Variants in ADCY9 observed in about 807,000 individuals in gnomAD.
The protein encoded by ADCY9 is adenylate cyclase type 9.
A neutral mutation model predicts 101.5 loss-of-function variants in ADCY9; 50 were observed. The observed-to-expected ratio is 0.49, with a 90% CI of 0.39 to 0.62. ADCY9 has a LOEUF of 0.62. ADCY9 is among the 20% of genes least tolerant of loss of function. The pLI is 0.00. For missense variants in ADCY9, 1,662 were observed against 1,800.4 expected (o/e 0.92, Z 1.39); for synonymous variants, 905 against 769.3 (o/e 1.18, Z -2.92).
chr16:3,978,704 G>A (rs1424535124), intron 8 of ADCY9, among the ~76,000 whole-genome samples: 3 of 152,028 alleles, frequency 2.0e-5, no homozygotes, highest in Non-Finnish European at 4.4e-5. Flanking sequence ...CCTCTTCAAG[G>A]GTTTATTTTA....
At chr16:4,039,273 C>T (rs377609531) in intron 2 of ADCY9, among the ~76,000 whole-genome samples, 13 of 152,284 alleles carry the variant, frequency 8.5e-5, no homozygotes, top group East Asian at 3.9e-4. Context: ...AACACCCACC[C>T]CTTTCTGTGT....
chr16:4,017,167 TATA>T (rs2056444257), intron 2 of ADCY9, among the ~76,000 whole-genome samples: 1 of 147,636 alleles, frequency 6.8e-6, no homozygotes, highest in African/African-American at 2.4e-5. Flanking sequence ...CTGTCTCAAA[TATA>T]ATAATAATAT....
At chr16:4,060,111 G>A (rs2141159562) in intron 2 of ADCY9, among the ~76,000 whole-genome samples, 1 of 152,248 alleles carries the variant, frequency 6.6e-6, no homozygotes. Flanking sequence ...CAAAGGCACT[G>A]ACATAAACCA....
chr16:3,970,470 G>A (rs1379205170), intron 10 of ADCY9, among the ~76,000 whole-genome samples: 1 of 152,122 alleles, frequency 6.6e-6, no homozygotes, highest in Non-Finnish European at 1.5e-5. Flanking sequence ...GGGACTACAG[G>A]TGTGCGCCAC....
At chr16:4,057,153 G>A (rs1455503109) in intron 2 of ADCY9, among the ~76,000 whole-genome samples, 2 of 149,720 alleles carry the variant, frequency 1.3e-5, no homozygotes, top group African/African-American at 2.5e-5. Flanking sequence ...TTAGGTTTTT[G>A]TTTAAAGAGA....
At chr16:4,066,029 G>A (rs1363968753) in intron 2 of ADCY9, among the ~76,000 whole-genome samples, 8 of 152,220 alleles carry the variant, frequency 5.3e-5, no homozygotes. Flanking sequence ...TAGCAAGCGG[G>A]ATGTTGTTTT....
At chr16:4,024,113 C>T (rs2056497303) in intron 2 of ADCY9, among the ~76,000 whole-genome samples, 1 of 151,908 alleles carries the variant, frequency 6.6e-6, no homozygotes, top group Non-Finnish European at 1.5e-5. Flanking sequence ...ACCTCCGCCT[C>T]CTGGGTTCGA....
At chr16:3,961,199 G>C (rs1000827072), downstream of ADCY9, among the ~76,000 whole-genome samples, 2 of 152,154 alleles carry the variant, frequency 1.3e-5, no homozygotes, top group Non-Finnish European at 2.9e-5. Flanking sequence ...TGTAATCCCA[G>C]CACTTTGGGA....
rs573125253 is a variant in ADCY9, at chr16:4,049,754, C to A, written c.1694-42196G>T. ...ATCTTTCAGATTAACCCAGAAATAT[C>A]GATAAGGGAGGCCTTTTTCTTAGCT... On this transcript the variant is annotated intron_variant, in intron 2 of 10. Coordinates refer to ENST00000294016, the MANE Select transcript of ADCY9 (RefSeq NM_001116.4). Among the ~76,000 whole-genome samples the A allele has an allele frequency of 2.0e-5, 3 of 152,236 alleles. No individual in the cohort carries two copies. The South Asian group carries it at 6.2e-4, about 32-fold the overall frequency.
chr16:4,053,870 T>C (rs2601828), intron 2 of ADCY9, among the ~76,000 whole-genome samples: 116,543 of 151,960 alleles, frequency 0.77, 45,029 homozygotes, highest in African/African-American at 0.82. Context: ...AAGGGTCTTC[T>C]GGATAGGGCA....
chr16:4,045,642 A>T (rs913048746), intron 2 of ADCY9, among the ~76,000 whole-genome samples: 2 of 144,582 alleles, frequency 1.4e-5, no homozygotes, highest in Non-Finnish European at 3.0e-5. Context: ...TTTGCCTCCC[A>T]ATTTGCTGCA....
At chr16:4,048,984 G>C (rs13380478) in intron 2 of ADCY9, among the ~76,000 whole-genome samples, 1 of 152,096 alleles carries the variant, frequency 6.6e-6, no homozygotes, top group Admixed American at 6.6e-5. Context: ...GACTCATAAC[G>C]ACCAAGGGTC....
At chr16:3,999,152 G>A (rs553937316) in intron 3 of ADCY9, among the ~76,000 whole-genome samples, 1 of 152,098 alleles carries the variant, frequency 6.6e-6, no homozygotes, top group African/African-American at 2.4e-5. Flanking sequence ...CTGACTCCAG[G>A]AAGCTGCAGG....
At chr16:4,040,388 T>G (rs2056618714) in intron 2 of ADCY9, among the ~76,000 whole-genome samples, 1 of 152,152 alleles carries the variant, frequency 6.6e-6, no homozygotes, top group East Asian at 1.9e-4. Flanking sequence ...GGCCAAGCAC[T>G]ATCATATTTC....
At chr16:4,048,242 T>G (rs2056678981) in intron 2 of ADCY9, among the ~76,000 whole-genome samples, 1 of 152,354 alleles carries the variant, frequency 6.6e-6, no homozygotes, top group African/African-American at 2.4e-5. Flanking sequence ...ATATTTGCAC[T>G]GCCATTTTAA....
At chr16:4,043,921 C>G (rs1344455494) in intron 2 of ADCY9, among the ~76,000 whole-genome samples, 5 of 152,110 alleles carry the variant, frequency 3.3e-5, no homozygotes, top group African/African-American at 1.2e-4. Context: ...ACTTAAGTGC[C>G]ACAGACCTCA....
At chr16:4,101,427 A>G (rs920744322) in intron 2 of ADCY9, among the ~76,000 whole-genome samples, 7 of 152,080 alleles carry the variant, frequency 4.6e-5, no homozygotes, top group African/African-American at 1.7e-4. Flanking sequence ...ATACAGGCAC[A>G]TGCCACCATG....
At chr16:3,978,008 G>A (rs932524590) in intron 8 of ADCY9, among the ~76,000 whole-genome samples, 4 of 152,100 alleles carry the variant, frequency 2.6e-5, no homozygotes, top group Admixed American at 6.5e-5. Flanking sequence ...ATGAGCCACC[G>A]CTCCCGGCCT....
intron 2 of ADCY9, among the ~76,000 whole-genome samples, chr16:4,086,510 A>T (rs2056939736): frequency 6.6e-6 from 1 of 152,076 alleles, no homozygotes. Flanking sequence ...TCAGTGTCCA[A>T]AGAGGGCCCA....
Sources: gnomAD v4.1 joint callset for allele counts (sites outside exome capture counted in the v4.1 genomes callset) on GRCh38, gnomAD v4.1.1 for gene constraint, MANE v1.5 for transcripts, NCBI Gene and HGNC (gene_info 2026-07-23, HGNC 2026-07-21) for gene names.